Variants in AAK1 observed in about 807,000 individuals in gnomAD.
The protein encoded by AAK1 is AP2 associated kinase 1.
In AAK1, 37 loss-of-function variants were observed where a neutral mutation model predicts 116.0. That is an observed-to-expected ratio of 0.32 (90% CI 0.25 to 0.42). The LOEUF (loss-of-function observed/expected upper bound fraction) is 0.42. AAK1 is among the 10% of genes least tolerant of loss of function. The probability of loss-of-function intolerance (pLI) is 1.00; values close to 1 mark genes in which losing one functional copy is unlikely to be tolerated. For missense variants in AAK1, 919 were observed against 1,170.6 expected (o/e 0.79, Z 3.14); for synonymous variants, 458 against 439.9 (o/e 1.04, Z -0.51).
chr2:69,587,158 C>T (rs552932325), intron 2 of AAK1, among the ~76,000 whole-genome samples: 49 of 151,106 alleles, frequency 3.2e-4, no homozygotes, highest in African/African-American at 1.1e-3. Flanking sequence ...GCTGACAGCT[C>T]GCTGCAGCCT....
intron 17 of AAK1, among the ~76,000 whole-genome samples, chr2:69,493,752 C>T (rs1675632873): frequency 6.6e-6 from 1 of 152,138 alleles, no homozygotes; most frequent in Non-Finnish European, 1.5e-5. Flanking sequence ...CATGGGACCA[C>T]ACTGGGCCTT....
At chr2:69,623,389 C>G (rs1326472945) in intron 2 of AAK1, among the ~76,000 whole-genome samples, 1 of 152,228 alleles carries the variant, frequency 6.6e-6, no homozygotes, top group East Asian at 1.9e-4. Context: ...CACTCTGCCA[C>G]TCAGACCTGG....
chr2:69,501,033 A>G (rs948672758), intron 16 of AAK1, among the ~76,000 whole-genome samples: 1 of 152,002 alleles, frequency 6.6e-6, no homozygotes, highest in Non-Finnish European at 1.5e-5. Context: ...AGCAGCAAAG[A>G]AGACTCTCAG....
At chr2:69,620,452 TC>T (rs1674555445) in intron 2 of AAK1, among the ~76,000 whole-genome samples, 2 of 152,138 alleles carry the variant, frequency 1.3e-5, no homozygotes, top group Non-Finnish European at 2.9e-5. Flanking sequence ...CCCTTTCTTT[TC>T]TTATGAACAT....
intron 2 of AAK1, 127 bp from the exon 3 acceptor site, chr2:69,557,105 G>T (rs1671415442): frequency 1.5e-6 from 1 of 684,004 alleles, no homozygotes; most frequent in Non-Finnish European, 2.6e-6. Context: ...CAGCCTTTAG[G>T]GCTAGCCTGT....
chr2:69,482,579 A>C (rs1675133355), intron 18 of AAK1, 132 bp downstream of exon 18: 3 of 768,452 alleles, frequency 3.9e-6, no homozygotes, highest in Non-Finnish European at 7.0e-6. Flanking sequence ...GAGTGATACA[A>C]GTGAGATTAA....
In AAK1 at chr2:69,459,905, A is replaced by C. The variant is rs1372375580; in HGVS notation, c.*15964T>G. The stretch of plus-strand genomic sequence containing the variant: ...GGTGGTTAAAAAACAAAACAAAACT[A>C]CAAGTATCAGCTGAGAAAGACAAAG... On this transcript the variant is annotated 3_prime_UTR_variant, in exon 22 of 22. Coordinates refer to ENST00000409085, the MANE Select transcript of AAK1 (RefSeq NM_014911.5). The C allele has an allele frequency of 6.6e-6, 1 of 152,176 alleles. No individual in the cohort carries two copies. Among genetic ancestry groups the C allele is most frequent in the Non-Finnish European group, 1.5e-5 (1 of 68,028 alleles). 9.4% of individuals were successfully genotyped at this position (152,176 alleles called of 1,614,324 possible). A position where few individuals can be genotyped will look rare whatever the true frequency, so the allele number is the denominator to read the frequency against.
At chr2:69,567,051 T>G (rs1420354107) in intron 2 of AAK1, among the ~76,000 whole-genome samples, 1 of 152,124 alleles carries the variant, frequency 6.6e-6, no homozygotes, top group African/African-American at 2.4e-5. Context: ...ATTCCCAGAG[T>G]GATGTGGTCT....
intron 12 of AAK1, among the ~76,000 whole-genome samples, chr2:69,517,469 C>T (rs1284798105): frequency 1.3e-5 from 2 of 151,688 alleles, no homozygotes; most frequent in African/African-American, 4.8e-5. Context: ...TTTTTTCTTC[C>T]TTTTTTTAAA....
At chr2:69,518,003 TC>T (rs1237820888) in intron 12 of AAK1, among the ~76,000 whole-genome samples, 1 of 152,102 alleles carries the variant, frequency 6.6e-6, no homozygotes, top group Non-Finnish European at 1.5e-5. Context: ...ATGCTTATAG[TC>T]CTAGCTACTT....
chr2:69,517,991 A>G (rs1676653058), intron 12 of AAK1, among the ~76,000 whole-genome samples: 1 of 152,140 alleles, frequency 6.6e-6, no homozygotes. Context: ...GCATGGTGGC[A>G]CATGCTTATA....
chr2:69,474,536 TA>T lies in AAK1; in HGVS notation c.*1332del, dbSNP rs1046829745. ...AAGTTAATAAAGAACTATGCTTTATTATTTTTTTTTAATCTAGGAAGCCAAG... is the reference window on the plus strand; with the variant it reads ...AAGTTAATAAAGAACTATGCTTTATTTTTTTTTTTAATCTAGGAAGCCAAG... On this transcript the variant is annotated 3_prime_UTR_variant, in exon 22 of 22. Transcript: ENST00000409085. 3 of 985,006 alleles carry T rather than the reference TA, an allele frequency of 3.0e-6. No homozygotes were observed. The highest frequency in any genetic ancestry group is 1.7e-5 in the African/African-American group (1 of 57,212). 61.0% of individuals were successfully genotyped at this position (985,006 alleles called of 1,614,324 possible).
In AAK1 at chr2:69,469,849, T is replaced by C; in HGVS notation, c.*6020A>G. The C allele has an allele frequency of 1.0e-6, 1 of 985,478 alleles. No individual in the cohort carries two copies. Among genetic ancestry groups the C allele is most frequent in the South Asian group, 4.7e-5 (1 of 21,288 alleles). 61.0% of individuals were successfully genotyped at this position (985,478 alleles called of 1,614,324 possible). A position where few individuals can be genotyped will look rare whatever the true frequency, so the allele number is the denominator to read the frequency against. ...AGGTTAGGCACGTTGACACTTTCAA[T>C]ATGGGTAACTCCATATTAGTCTATT... On this transcript the variant is annotated 3_prime_UTR_variant, in exon 22 of 22. Coordinates refer to ENST00000409085, the MANE Select transcript of AAK1 (RefSeq NM_014911.5).
intron 2 of AAK1, among the ~76,000 whole-genome samples, chr2:69,559,700 G>T (rs552008582): frequency 9.4e-4 from 143 of 152,334 alleles, no homozygotes; most frequent in Middle Eastern, 3.4e-3. Context: ...TGGGCAGAAG[G>T]TGGGGTGGTT....
At position 69,465,887 on chromosome 2, in the gene AAK1, G is replaced by C. The variant is rs184211617; in HGVS notation, c.*9982C>G. 7.7e-7 allele frequency: 1 copy of C among 1,290,876 alleles called. No individual in the cohort carries two copies. The highest frequency in any genetic ancestry group is 1.0e-6 in the Non-Finnish European group (1 of 988,870). The allele number at this position is 1,290,876 out of a possible 1,614,324, so 80.0% of individuals were successfully genotyped here. ...CTCTCTCACGGCCCGCGGGCAGGGG[G>C]ACATCACCTGTCTGACTGAGGAGAC... On this transcript the variant is annotated 3_prime_UTR_variant, in exon 22 of 22. Transcript: ENST00000409085.
In AAK1 at chr2:69,550,806, G is replaced by A. The variant is rs537530120; in HGVS notation, c.282+6054C>T. ...AATTTTTGTACTTTTAGTAGAGACA[G>A]GGTTTGGCCATTTTGGACAGGCTGG... On this transcript the variant is annotated intron_variant, in intron 3 of 21. Coordinates refer to ENST00000409085, the MANE Select transcript of AAK1 (RefSeq NM_014911.5). 9.2e-5 allele frequency among the ~76,000 whole-genome samples: 14 copies of A among 152,090 alleles called. No homozygotes were observed. The South Asian group carries it at 2.5e-3, about 27-fold the overall frequency.
In AAK1 at chr2:69,643,210, A is replaced by C; in HGVS notation, c.-170T>G. ...GGGCTGAGGGAGGATGCCTATAGGA[A>C]TATGCGTGTCAATCGCGCAGCGGGT... On this transcript the variant is annotated 5_prime_UTR_variant, in exon 2 of 22. Coordinates refer to ENST00000409085, the MANE Select transcript of AAK1 (RefSeq NM_014911.5). The C allele has an allele frequency of 7.0e-7, 1 of 1,418,510 alleles. No individual in the cohort carries two copies. Among genetic ancestry groups the C allele is most frequent in the Non-Finnish European group, 9.1e-7 (1 of 1,094,350 alleles). 87.9% of individuals were successfully genotyped at this position (1,418,510 alleles called of 1,614,324 possible).
intron 17 of AAK1, among the ~76,000 whole-genome samples, chr2:69,493,694 G>A (rs563890956): frequency 1.3e-5 from 2 of 152,188 alleles, no homozygotes; most frequent in Non-Finnish European, 2.9e-5. Flanking sequence ...ACTATGTCCT[G>A]ATAAGGGCTA....
rs1432566103 is a variant in AAK1 at position 69,475,713 on chromosome 2, T to C, written c.*156A>G. 2 of 1,397,902 alleles carry C rather than the reference T, an allele frequency of 1.4e-6. No homozygotes were observed. The highest frequency in any genetic ancestry group is 1.9e-6 in the Non-Finnish European group (2 of 1,076,074). 86.6% of individuals were successfully genotyped at this position (1,397,902 alleles called of 1,614,324 possible). On this transcript the variant is annotated 3_prime_UTR_variant, in exon 22 of 22. Transcript: ENST00000409085. ...GGGCCAAAGTGATTTTCTTTCCTTATCATTTCTACAGGAGAAGGCAAGGGG... is the reference window on the plus strand; with the variant it reads ...GGGCCAAAGTGATTTTCTTTCCTTACCATTTCTACAGGAGAAGGCAAGGGG...
Sources: gnomAD v4.1 joint callset for allele counts (sites outside exome capture counted in the v4.1 genomes callset) on GRCh38, gnomAD v4.1.1 for gene constraint, MANE v1.5 for transcripts, NCBI Gene and HGNC (gene_info 2026-07-23, HGNC 2026-07-21) for gene names.